Variants in SNTG1 observed in about 807,000 individuals in gnomAD.
The protein encoded by SNTG1 is syntrophin gamma 1, also known as gamma-1-syntrophin.
SNTG1 carries 39 observed loss-of-function variants against 74.7 expected under a neutral mutation model. That is an observed-to-expected ratio of 0.52 (90% CI 0.40 to 0.68). The LOEUF (loss-of-function observed/expected upper bound fraction) is 0.68. Among genes scored for constraint, SNTG1 ranks in the 30% least tolerant of loss-of-function variants. The pLI is 0.00. For missense variants in SNTG1, 685 were observed against 609.5 expected, an observed-to-expected ratio of 1.12 and a Z score of -1.30; for synonymous variants, 254 against 217.1, an observed-to-expected ratio of 1.17 and a Z score of -1.49.
intron 1 of SNTG1, among the ~76,000 whole-genome samples, chr8:50,170,710 C>A (rs974570541): frequency 6.6e-6 from 1 of 152,178 alleles, no homozygotes; most frequent in Non-Finnish European, 1.5e-5. Context: ...GTAGTGTCAT[C>A]CAGGCTGTGT....
intron 1 of SNTG1, among the ~76,000 whole-genome samples, chr8:50,159,634 CA>C (rs1243740217): frequency 2.0e-5 from 3 of 151,968 alleles, no homozygotes; most frequent in Non-Finnish European, 4.4e-5. Context: ...ACATGTATAT[CA>C]AAAAAGGAAA....
chr8:50,284,529 T>C (rs569087234), intron 2 of SNTG1, among the ~76,000 whole-genome samples: 8 of 152,272 alleles, frequency 5.3e-5, no homozygotes, highest in African/African-American at 1.7e-4. Context: ...TGCTTTGGTT[T>C]TGCTGTTGTT....
chr8:50,015,080 T>C (rs1816188642), intron 1 of SNTG1, among the ~76,000 whole-genome samples: 1 of 149,064 alleles, frequency 6.7e-6, no homozygotes, highest in Non-Finnish European at 1.5e-5. Context: ...AGGGGAACAA[T>C]TTAAGTCAGT....
At chr8:50,333,876 A>G (rs2091051412) in intron 2 of SNTG1, among the ~76,000 whole-genome samples, 1 of 152,242 alleles carries the variant, frequency 6.6e-6, no homozygotes, top group East Asian at 1.9e-4. Flanking sequence ...AAATGAAATC[A>G]AATTGAGCTC....
At chr8:50,295,617 T>G (rs887971559) in intron 2 of SNTG1, among the ~76,000 whole-genome samples, 4 of 152,154 alleles carry the variant, frequency 2.6e-5, no homozygotes, top group Non-Finnish European at 4.4e-5. Flanking sequence ...TAAAAAGAGA[T>G]AGACATGACT....
At chr8:50,535,896 C>T (rs1010258369) in intron 10 of SNTG1, among the ~76,000 whole-genome samples, 4 of 151,886 alleles carry the variant, frequency 2.6e-5, no homozygotes, top group Non-Finnish European at 1.5e-5. Context: ...ACAACCCATG[C>T]CAATTTAAAT....
At position 49,976,068 on chromosome 8, in the gene SNTG1, C is replaced by A. The variant is rs537175778; in HGVS notation, c.-103+63837C>A. ...ATTGGAAAGAAGACCTACTGTCATT[C>A]TTGGCAACTATTACTAATTTTGAGA... On this transcript the variant is annotated intron_variant, in intron 1 of 18. Coordinates refer to ENST00000642720, the MANE Select transcript of SNTG1 (RefSeq NM_018967.5). Among the ~76,000 whole-genome samples the A allele has an allele frequency of 8.5e-5, 13 of 152,178 alleles. No individual in the cohort carries two copies. In the South Asian group the frequency reaches 2.3e-3, roughly 27 times the overall value.
At chr8:50,066,435 G>A (rs761191588) in intron 1 of SNTG1, among the ~76,000 whole-genome samples, 1 of 151,890 alleles carries the variant, frequency 6.6e-6, no homozygotes, top group Non-Finnish European at 1.5e-5. Context: ...CTTTATTTTT[G>A]TAGTGAGAAC....
intron 2 of SNTG1, among the ~76,000 whole-genome samples, chr8:50,359,588 A>G (rs1278545802): frequency 6.6e-6 from 1 of 152,184 alleles, no homozygotes; most frequent in Non-Finnish European, 1.5e-5. Context: ...TAACAGTTTG[A>G]ATCTTAAGGA....
Position 50,039,273 on chromosome 8 carries a change from GT to G in SNTG1, c.-103+127043del, listed in dbSNP as rs560788244. Among the ~76,000 whole-genome samples the G allele has an allele frequency of 3.8e-3, 578 of 152,062 alleles. 2 individuals carry two copies. Among genetic ancestry groups the G allele is most frequent in the South Asian group, 0.02 (97 of 4,816 alleles). ...GATCGAGACCATCCTGGCTAACACG[GT>G]GAAATACTGTGTCTACTAAAAATGC... On this transcript the variant is annotated intron_variant, in intron 1 of 18. Coordinates refer to ENST00000642720, the MANE Select transcript of SNTG1 (RefSeq NM_018967.5).
chr8:50,193,550 T>C (rs1015958200), intron 2 of SNTG1, among the ~76,000 whole-genome samples: 3 of 152,118 alleles, frequency 2.0e-5, no homozygotes, highest in Admixed American at 2.0e-4. Flanking sequence ...AATCCTTTTA[T>C]CAATTCTAGG....
chr8:50,785,469 A>G (rs2095672024), intron 18 of SNTG1, among the ~76,000 whole-genome samples: 1 of 152,038 alleles, frequency 6.6e-6, no homozygotes, highest in African/African-American at 2.4e-5. Flanking sequence ...AACTGACTCA[A>G]AGATAAATCA....
intron 8 of SNTG1, among the ~76,000 whole-genome samples, chr8:50,493,351 G>A (rs2131896307): frequency 6.6e-6 from 1 of 152,272 alleles, no homozygotes; most frequent in Middle Eastern, 3.4e-3. Flanking sequence ...CTTTTGAGAG[G>A]CTGACTTCAA....
intron 1 of SNTG1, among the ~76,000 whole-genome samples, chr8:49,947,266 C>G (rs962410977): frequency 1.3e-5 from 2 of 152,124 alleles, no homozygotes; most frequent in African/African-American, 4.8e-5. Flanking sequence ...CACCATTGCA[C>G]TCCAGTCTGG....
At chr8:50,746,471 T>C (rs2095555343) in intron 17 of SNTG1, among the ~76,000 whole-genome samples, 1 of 151,908 alleles carries the variant, frequency 6.6e-6, no homozygotes, top group African/African-American at 2.4e-5. Context: ...AACATTACAA[T>C]AGGTGCTAGT....
intron 1 of SNTG1, among the ~76,000 whole-genome samples, chr8:49,939,049 T>G (rs780751770): frequency 6.6e-6 from 1 of 152,166 alleles, no homozygotes; most frequent in Non-Finnish European, 1.5e-5. Flanking sequence ...GATATTTCAC[T>G]GATTAACTTA....
intron 4 of SNTG1, among the ~76,000 whole-genome samples, chr8:50,418,535 T>C (rs1410214676): frequency 6.6e-6 from 1 of 152,132 alleles, no homozygotes; most frequent in East Asian, 1.9e-4. Context: ...TCCATTCTCA[T>C]GGCTTTAAAA....
At chr8:50,446,560 T>A (rs2093409960) in intron 5 of SNTG1, among the ~76,000 whole-genome samples, 1 of 151,980 alleles carries the variant, frequency 6.6e-6, no homozygotes, top group African/African-American at 2.4e-5. Context: ...GTGGCTGTAA[T>A]CCCAGCTACT....
intron 8 of SNTG1, among the ~76,000 whole-genome samples, chr8:50,487,718 G>A (rs935086889): frequency 2.0e-5 from 3 of 151,918 alleles, no homozygotes; most frequent in African/African-American, 4.8e-5. Flanking sequence ...GATAGCACTG[G>A]GAGATATACC....
Sources: gnomAD v4.1 joint callset for allele counts (sites outside exome capture counted in the v4.1 genomes callset) on GRCh38, gnomAD v4.1.1 for gene constraint, MANE v1.5 for transcripts, NCBI Gene and HGNC (gene_info 2026-07-23, HGNC 2026-07-21) for gene names.